GFOD1: variants seen among roughly 807,000 people sequenced by gnomAD.
The protein encoded by GFOD1 is glucose-fructose oxidoreductase domain-containing protein 1.
A neutral mutation model predicts 25.4 loss-of-function variants in GFOD1; 9 were observed. That is an observed-to-expected ratio of 0.35 (90% confidence interval 0.21 to 0.62). The LOEUF is 0.62. Ranked by LOEUF, GFOD1 falls within the 20% of genes least tolerant of loss-of-function variation. The pLI, the probability that GFOD1 is intolerant of heterozygous loss-of-function variation, is 0.72. For synonymous variants in GFOD1, 253 were observed against 245.6 expected (o/e 1.03, Z -0.28); for missense variants, 403 against 556.9 (o/e 0.72, Z 2.78).
chr6:13,423,899 C>T (rs1471144446), intron 1 of GFOD1, among the ~76,000 whole-genome samples: 1 of 152,120 alleles, frequency 6.6e-6, no homozygotes, highest in African/African-American at 2.4e-5. Flanking sequence ...GCTCTTGCTG[C>T]CCAGGCTAGA....
intron 1 of GFOD1, among the ~76,000 whole-genome samples, chr6:13,409,137 GA>G (rs1252492368): frequency 4.1e-4 from 16 of 38,654 alleles, no homozygotes; most frequent in Admixed American, 1.5e-3. Context: ...AAGAAAGAAA[GA>G]AAGAAAGAAA....
At chr6:13,419,203 C>T (rs577346213) in intron 1 of GFOD1, among the ~76,000 whole-genome samples, 1 of 152,222 alleles carries the variant, frequency 6.6e-6, no homozygotes, top group South Asian at 2.1e-4. Flanking sequence ...GAACGTCTTC[C>T]AAAACGAGAT....
At chr6:13,441,387 G>A (rs930163068) in intron 1 of GFOD1, among the ~76,000 whole-genome samples, 17 of 152,120 alleles carry the variant, frequency 1.1e-4, no homozygotes, top group African/African-American at 4.1e-4. Flanking sequence ...TCTTTCAAAC[G>A]AAATGTGGCA....
At chr6:13,414,307 C>T (rs1018761951) in intron 1 of GFOD1, among the ~76,000 whole-genome samples, 3 of 152,250 alleles carry the variant, frequency 2.0e-5, no homozygotes, top group African/African-American at 7.2e-5. Context: ...TGCAGTCACA[C>T]TGGCAGGAGA....
Position 13,391,326 on chromosome 6 carries a change from C to T in GFOD1, c.254-25664G>A, listed in dbSNP as rs374989100. On this transcript the variant is annotated intron_variant, in intron 1 of 1. Transcript: ENST00000379287. Reference sequence around the variant, plus strand: ...CAGCCTGGCCAACATGGCAAAACCCCGTCTCTATTAAAAATATAAAAATTA... The same window carrying T: ...CAGCCTGGCCAACATGGCAAAACCCTGTCTCTATTAAAAATATAAAAATTA... Among the ~76,000 whole-genome samples the T allele has an allele frequency of 5.6e-4, 85 of 151,866 alleles. 1 individual carries two copies. In the South Asian group the frequency reaches 0.017, roughly 31 times the overall value.
chr6:13,431,002 A>C (rs566143488), intron 1 of GFOD1, among the ~76,000 whole-genome samples: 18 of 152,386 alleles, frequency 1.2e-4, no homozygotes, highest in Admixed American at 5.9e-4. Context: ...CGAGGCATAA[A>C]GAAAGCAGTG....
Position 13,365,144 on chromosome 6 carries a change from G to A in GFOD1, c.772C>T (p.Leu258=). ...TACAGGTCGGTGCCCACGGCCAGCA[G>A]GCGCCCGGCTGAGCCCACCACAGTG... ...DVTVVGSAGR[L]LAVGTDLYGQ... Residue 258 remains leucine (L), a synonymous_variant, in exon 2 of 2, where the codon CTG becomes TTG. Transcript: ENST00000379287. This position sits in a 1 kb window ranked among gnomAD's most constrained non-coding sequence, Gnocchi z 9.2. The A allele has an allele frequency of 6.2e-7, 1 of 1,613,456 alleles. No homozygotes were observed. Among genetic ancestry groups the A allele is most frequent in the Non-Finnish European group, 8.5e-7 (1 of 1,179,880 alleles).
chr6:13,474,019 C>T (rs946911431), intron 1 of GFOD1, among the ~76,000 whole-genome samples: 3 of 152,252 alleles, frequency 2.0e-5, no homozygotes, highest in Non-Finnish European at 2.9e-5. Context: ...GAAGCCCCTT[C>T]CGGGCCCCTT....
chr6:13,381,739 G>T (rs960401962), intron 1 of GFOD1, among the ~76,000 whole-genome samples: 1 of 152,046 alleles, frequency 6.6e-6, no homozygotes, highest in Non-Finnish European at 1.5e-5. Context: ...CTTGCTTTGT[G>T]CTCCAGTGGG....
chr6:13,407,779 G>A lies in GFOD1; in HGVS notation c.254-42117C>T, dbSNP rs758054316. ...GGATCAGCTATTACAATAGGCCTCA[G>A]TCAGATGGCTTTTCTTGAGCCACTG... On this transcript the variant is annotated intron_variant, in intron 1 of 1. Transcript: ENST00000379287. 5.2e-4 allele frequency: 94 copies of A among 179,898 alleles called. 1 individual carries two copies. The highest frequency in any genetic ancestry group is 1.6e-4 in the Non-Finnish European group (15 of 93,190). The allele number at this position is 179,898 out of a possible 1,614,324, so 11.1% of individuals were successfully genotyped here. A position where few individuals can be genotyped will look rare whatever the true frequency, so the allele number is the denominator to read the frequency against.
intron 1 of GFOD1, among the ~76,000 whole-genome samples, chr6:13,375,558 C>T (rs1360365271): frequency 6.6e-6 from 1 of 152,190 alleles, no homozygotes; most frequent in African/African-American, 2.4e-5. Context: ...GTTAAAGCTC[C>T]TGGGGCTATC....
At chr6:13,481,204 G>T (rs1758744285) in intron 1 of GFOD1, among the ~76,000 whole-genome samples, 1 of 152,234 alleles carries the variant, frequency 6.6e-6, no homozygotes, top group Admixed American at 6.5e-5. Context: ...ACTGAGGTTG[G>T]AGGAGAACTT....
chr6:13,474,589 G>A (rs1343632478), intron 1 of GFOD1, among the ~76,000 whole-genome samples: 3 of 152,062 alleles, frequency 2.0e-5, no homozygotes, highest in Non-Finnish European at 4.4e-5. Context: ...GTATCTCATT[G>A]CATTGCTCCA....
At chr6:13,398,148 C>G (rs915175583) in intron 1 of GFOD1, among the ~76,000 whole-genome samples, 1 of 152,224 alleles carries the variant, frequency 6.6e-6, no homozygotes. Flanking sequence ...TCAGTTACTG[C>G]TCTGAGCCTC....
rs1784905855 is a variant in GFOD1 at position 13,358,796 on chromosome 6, AG to A, written c.*5946del. ...GCCCCTGCCTACATCTGCCCAGGCA[AG>A]CTTTTGATTGCCACACTAAGCATCA... On this transcript the variant is annotated 3_prime_UTR_variant, in exon 2 of 2. Transcript: ENST00000379287. 1 of 152,390 alleles carries A rather than the reference AG, an allele frequency of 6.6e-6. No individual in the cohort carries two copies. The highest frequency in any genetic ancestry group is 2.1e-4 in the South Asian group (1 of 4,836). The allele number at this position is 152,390 out of a possible 1,614,324, so 9.4% of individuals were successfully genotyped here.
chr6:13,438,242 G>A (rs1450411189), intron 1 of GFOD1, among the ~76,000 whole-genome samples: 2 of 152,140 alleles, frequency 1.3e-5, no homozygotes, highest in East Asian at 1.9e-4. Flanking sequence ...GCACAGTTGT[G>A]ATCTTCTGTT....
intron 1 of GFOD1, among the ~76,000 whole-genome samples, chr6:13,466,750 G>A (rs535465720): frequency 2.6e-5 from 4 of 152,108 alleles, no homozygotes; most frequent in Admixed American, 6.5e-5. Context: ...AACCCCAAAC[G>A]CCCACTGTGC....
chr6:13,421,989 G>T (rs990216791), intron 1 of GFOD1, among the ~76,000 whole-genome samples: 5 of 152,152 alleles, frequency 3.3e-5, no homozygotes, highest in African/African-American at 1.2e-4. Context: ...ATTCCTTTGG[G>T]GGAGAAATAT....
chr6:13,474,405 TA>T (rs376166035), intron 1 of GFOD1, among the ~76,000 whole-genome samples: 6 of 152,180 alleles, frequency 3.9e-5, no homozygotes, highest in Non-Finnish European at 5.9e-5. Flanking sequence ...AAAATAAAAA[TA>T]AAAATGCCAT....
Sources: gnomAD v4.1 joint callset for allele counts (sites outside exome capture counted in the v4.1 genomes callset) on GRCh38, gnomAD v4.1.1 for gene constraint, Gnocchi (gnomAD v3.1) non-coding constraint, MANE v1.5 for transcripts, NCBI Gene and HGNC (gene_info 2026-07-23, HGNC 2026-07-21) for gene names.